Variants in GABRB3 observed in about 807,000 individuals in gnomAD.
GABRB3 encodes the protein gamma-aminobutyric acid type A receptor subunit beta3.
Under a neutral mutation model 52.1 loss-of-function variants are expected in GABRB3, and 14 were observed. The ratio of observed to expected loss-of-function variants is 0.27; its 90% CI spans 0.18 to 0.42. The LOEUF (loss-of-function observed/expected upper bound fraction) is 0.42. Ranked by LOEUF, GABRB3 falls within the 10% of genes least tolerant of loss-of-function variation. The pLI is 1.00. For synonymous variants in GABRB3, 260 were observed against 232.3 expected (o/e 1.12, Z -1.08); for missense variants, 307 against 609.1 (o/e 0.50, Z 5.22).
chr15:26,622,646 A>G (rs1892529409), intron 3 of GABRB3, among the ~76,000 whole-genome samples: 1 of 152,200 alleles, frequency 6.6e-6, no homozygotes, highest in Admixed American at 6.5e-5. Flanking sequence ...TCCAGTCTCG[A>G]CACAGGCCTC....
intron 8 of GABRB3, among the ~76,000 whole-genome samples, chr15:26,557,311 C>T (rs1354717685): frequency 1.3e-5 from 2 of 152,188 alleles, no homozygotes; most frequent in Non-Finnish European, 2.9e-5. Flanking sequence ...GATCAAAAAA[C>T]TACCTTTTGG....
intron 4 of GABRB3, among the ~76,000 whole-genome samples, chr15:26,584,394 A>C (rs543864014): frequency 3.3e-5 from 5 of 152,142 alleles, no homozygotes; most frequent in Non-Finnish European, 7.4e-5. Flanking sequence ...GTAGCTACAG[A>C]TACACTTTGG....
intron 6 of GABRB3, among the ~76,000 whole-genome samples, chr15:26,573,952 G>C (rs1890503101): frequency 6.6e-6 from 1 of 152,166 alleles, no homozygotes; most frequent in African/African-American, 2.4e-5. Context: ...TTAGGAGTCT[G>C]AGATGAGAGG....
At chr15:26,661,101 A>G (rs1203260391) in intron 3 of GABRB3, among the ~76,000 whole-genome samples, 1 of 152,238 alleles carries the variant, frequency 6.6e-6, no homozygotes, top group South Asian at 2.1e-4. Context: ...TAAAAAAAAA[A>G]TTAAAAGAAA....
At chr15:26,739,588 T>C (rs1890150397) in intron 3 of GABRB3, among the ~76,000 whole-genome samples, 1 of 152,118 alleles carries the variant, frequency 6.6e-6, no homozygotes, top group Admixed American at 6.6e-5. Flanking sequence ...TGAGCGTTCC[T>C]TTTCTCATTG....
chr15:26,578,712 C>A (rs1393204080), intron 6 of GABRB3, among the ~76,000 whole-genome samples: 1 of 152,220 alleles, frequency 6.6e-6, no homozygotes, highest in Non-Finnish European at 1.5e-5. Flanking sequence ...ACTTTCTAGG[C>A]AAAGGCTGCA....
In GABRB3 at chr15:26,544,039, A is replaced by ACT. The variant is rs1232453491; in HGVS notation, c.*3752_*3753dup. 5.2e-5 allele frequency: 8 copies of ACT among 152,526 alleles called. No individual in the cohort carries two copies. Among genetic ancestry groups the ACT allele is most frequent in the African/African-American group, 1.9e-4 (8 of 41,428 alleles). The allele number at this position is 152,526 out of a possible 1,614,324, so 9.4% of individuals were successfully genotyped here. On this transcript the variant is annotated 3_prime_UTR_variant, in exon 9 of 9. Coordinates refer to ENST00000311550, the MANE Select transcript of GABRB3 (RefSeq NM_000814.6). ...GTTCTTTGCCCCAAGATTCGATGTT[A>ACT]CTCTAATGGCTCACACTGACAGCCA... is the stretch of plus-strand genomic sequence containing the variant.
intron 3 of GABRB3, among the ~76,000 whole-genome samples, chr15:26,730,794 A>G (rs970000305): frequency 4.6e-5 from 7 of 152,206 alleles, no homozygotes; most frequent in African/African-American, 1.7e-4. Flanking sequence ...GCCATATCGC[A>G]CGAATTGCTC....
intron 3 of GABRB3, among the ~76,000 whole-genome samples, chr15:26,684,597 G>A (rs1368949822): frequency 1.3e-5 from 2 of 152,066 alleles, no homozygotes; most frequent in East Asian, 1.9e-4. Context: ...ACTGAGGGAC[G>A]TGCAACTCCT....
chr15:26,586,378 C>A (rs1890983825), intron 4 of GABRB3, among the ~76,000 whole-genome samples: 2 of 124,782 alleles, frequency 1.6e-5, no homozygotes, highest in African/African-American at 5.8e-5. Context: ...TTTTCTTATT[C>A]ACTTTTCAAA....
chr15:26,661,210 A>C (rs926263873), intron 3 of GABRB3, among the ~76,000 whole-genome samples: 3 of 152,178 alleles, frequency 2.0e-5, no homozygotes, highest in Admixed American at 6.5e-5. Context: ...TCACCAGCTG[A>C]ATTCTCAACT....
In GABRB3 at chr15:26,554,021, T is replaced by TATATATATATATATATA. The variant is rs1555400757; in HGVS notation, c.1081-5888_1081-5887insTATATATATATATATAT. ...TCCCGAGTAGCTGACACCTGACTAT[T>TATATATATATATATATA]TATATATATATATATTTATTTATTT... On this transcript the variant is annotated intron_variant, in intron 8 of 8. Transcript: ENST00000311550. 4.5e-3 allele frequency among the ~76,000 whole-genome samples: 106 copies of TATATATATATATATATA among 23,674 alleles called. 1 individual carries two copies. The highest frequency in any genetic ancestry group is 0.018 in the African/African-American group (101 of 5,490). The allele number at this position is 23,674 out of a possible 152,430, so 15.5% of individuals were successfully genotyped here.
rs183782353 is a variant in GABRB3, at chr15:26,596,415, G to A, written c.462-13001C>T. ...TTCCTGAAAAACATGAATTGTCCTG[G>A]CTAATGCAAGCAGAAAACCTAGAGA... On this transcript the variant is annotated intron_variant, in intron 4 of 8. Transcript: ENST00000311550. 4.8e-3 allele frequency among the ~76,000 whole-genome samples: 737 copies of A among 152,152 alleles called. 7 individuals are homozygous for A. Among genetic ancestry groups the A allele is most frequent in the African/African-American group, 0.017 (712 of 41,520 alleles).
chr15:26,727,803 A>G (rs1889812309), intron 3 of GABRB3, among the ~76,000 whole-genome samples: 1 of 152,204 alleles, frequency 6.6e-6, no homozygotes, highest in South Asian at 2.1e-4. Flanking sequence ...TTCCAATTCA[A>G]CATCACAAGG....
At chr15:26,569,671 A>G (rs754655148) in intron 6 of GABRB3, among the ~76,000 whole-genome samples, 20 of 152,360 alleles carry the variant, frequency 1.3e-4, no homozygotes, top group Non-Finnish European at 2.5e-4. Flanking sequence ...GCTAGGCCAA[A>G]GGTTAAAGCT....
chr15:26,579,902 G>A (rs1459095550), intron 6 of GABRB3, among the ~76,000 whole-genome samples: 1 of 152,156 alleles, frequency 6.6e-6, no homozygotes, highest in African/African-American at 2.4e-5. Flanking sequence ...ACTAAGGCTG[G>A]CTGCTAACCC....
At chr15:26,756,632 C>G (rs1407078532) in intron 3 of GABRB3, among the ~76,000 whole-genome samples, 1 of 152,016 alleles carries the variant, frequency 6.6e-6, no homozygotes, top group African/African-American at 2.4e-5. Flanking sequence ...GTTCCTGCAC[C>G]TGACACAATG....
chr15:26,567,493 G>T, intron 7 of GABRB3, 88 bp downstream of exon 7: 1 of 1,298,166 alleles, frequency 7.7e-7, no homozygotes, highest in Non-Finnish European at 1.1e-6. Context: ...GTCAAAAAAT[G>T]GTAGTTGAAC....
At chr15:26,745,960 T>A (rs1890326350) in intron 3 of GABRB3, among the ~76,000 whole-genome samples, 1 of 152,332 alleles carries the variant, frequency 6.6e-6, no homozygotes, top group Middle Eastern at 3.4e-3. Flanking sequence ...CTGAGATAAA[T>A]GCCACAGAGT....
Sources: gnomAD v4.1 joint callset for allele counts (sites outside exome capture counted in the v4.1 genomes callset) on GRCh38, gnomAD v4.1.1 for gene constraint, MANE v1.5 for transcripts, NCBI Gene and HGNC (gene_info 2026-07-23, HGNC 2026-07-21) for gene names.